Variants in CNTLN observed in about 807,000 individuals in gnomAD.
CNTLN encodes centlein, centrosomal protein.
Under a neutral mutation model 180.0 loss-of-function variants are expected in CNTLN, and 212 were observed. The ratio of observed to expected loss-of-function variants is 1.18; its 90% CI spans 1.05 to 1.32. The LOEUF is 1.32. Among genes scored for constraint, CNTLN ranks in the 40% most tolerant of loss-of-function variants. The pLI is 0.00. For synonymous variants in CNTLN, 722 were observed against 563.1 expected (o/e 1.28, Z -3.99); for missense variants, 2,095 against 1,610.9 (o/e 1.30, Z -5.14).
chr9:17,350,055 T>G (rs559614750), intron 12 of CNTLN, among the ~76,000 whole-genome samples: 1 of 152,312 alleles, frequency 6.6e-6, no homozygotes, highest in East Asian at 1.9e-4. Context: ...AATGCTAAAT[T>G]AGATGAAGTA....
intron 12 of CNTLN, among the ~76,000 whole-genome samples, chr9:17,354,846 C>T (rs549922556): frequency 6.6e-6 from 1 of 152,118 alleles, no homozygotes; most frequent in Non-Finnish European, 1.5e-5. Context: ...CTATTGCTCA[C>T]TCTTTGGGTC....
chr9:17,497,297 C>A (rs761116530), intron 25 of CNTLN, among the ~76,000 whole-genome samples: 10 of 152,022 alleles, frequency 6.6e-5, no homozygotes, highest in Non-Finnish European at 1.0e-4. Flanking sequence ...GTTTTGGGGA[C>A]GAGAATTATA....
At chr9:17,345,206 A>C (rs558566008) in intron 12 of CNTLN, among the ~76,000 whole-genome samples, 1 of 152,118 alleles carries the variant, frequency 6.6e-6, no homozygotes, top group African/African-American at 2.4e-5. Flanking sequence ...TTTATTTTTT[A>C]AGGGAAATGC....
At chr9:17,424,506 A>G (rs1258037039) in intron 18 of CNTLN, among the ~76,000 whole-genome samples, 1 of 152,204 alleles carries the variant, frequency 6.6e-6, no homozygotes, top group Admixed American at 6.5e-5. Flanking sequence ...ACAAACTACC[A>G]GAATCATATT....
At chr9:17,364,415 T>C (rs1406543785) in intron 12 of CNTLN, among the ~76,000 whole-genome samples, 1 of 152,128 alleles carries the variant, frequency 6.6e-6, no homozygotes, top group Non-Finnish European at 1.5e-5. Flanking sequence ...TATTATGTTA[T>C]TATTATTAAT....
At chr9:17,510,877 C>G in the CNTLN span, among the ~76,000 whole-genome samples, 1 of 152,154 alleles carries the variant, frequency 6.6e-6, no homozygotes, top group Admixed American at 6.5e-5. Flanking sequence ...TTTCACTTCT[C>G]TAGAGGAATT....
At position 17,226,344 on chromosome 9, in the gene CNTLN, T is replaced by C. The variant is rs1049558435; in HGVS notation, c.534+57T>C. On this transcript the variant is annotated intron_variant, in intron 3 of 25. Transcript: ENST00000380647. The stretch of plus-strand genomic sequence containing the variant: ...CTATATTTGTTTTGGGTAGTAGATC[T>C]TCAAAATTATTTTTATTTTTTTGCA... 6 of 919,076 alleles carry C rather than the reference T, an allele frequency of 6.5e-6. No individual in the cohort carries two copies. In the African/African-American group the frequency reaches 7.0e-5, roughly 11 times the overall value. The allele number at this position is 919,076 out of a possible 1,614,324, so 56.9% of individuals were successfully genotyped here.
At chr9:17,211,646 A>G (rs1294585146) in intron 2 of CNTLN, among the ~76,000 whole-genome samples, 1 of 152,184 alleles carries the variant, frequency 6.6e-6, no homozygotes, top group Non-Finnish European at 1.5e-5. Context: ...TACCTTGGGC[A>G]GTATGGCCAT....
chr9:17,204,231 A>G (rs1043280359), intron 2 of CNTLN, among the ~76,000 whole-genome samples: 1 of 152,204 alleles, frequency 6.6e-6, no homozygotes. Flanking sequence ...CATTTGGAGA[A>G]GAGGCATTTT....
chr9:17,269,971 A>T (rs1337414673), intron 5 of CNTLN, among the ~76,000 whole-genome samples: 2 of 152,154 alleles, frequency 1.3e-5, no homozygotes, highest in South Asian at 2.1e-4. Context: ...TTAGTTTTAT[A>T]GAAAATCATC....
At chr9:17,474,698 G>T (rs113816869) in intron 23 of CNTLN, among the ~76,000 whole-genome samples, 1 of 151,870 alleles carries the variant, frequency 6.6e-6, no homozygotes, top group Non-Finnish European at 1.5e-5. Context: ...GTGAAACCCC[G>T]TCTCTACTAA....
chr9:17,343,718 T>A (rs1821660855), intron 12 of CNTLN, among the ~76,000 whole-genome samples: 1 of 152,136 alleles, frequency 6.6e-6, no homozygotes, highest in African/African-American at 2.4e-5. Context: ...ACGTATATAA[T>A]TCACTGGTAT....
At chr9:17,243,684 T>G (rs1383971837) in intron 5 of CNTLN, among the ~76,000 whole-genome samples, 1 of 152,228 alleles carries the variant, frequency 6.6e-6, no homozygotes, top group African/African-American at 2.4e-5. Flanking sequence ...ATGCTTGATA[T>G]AATTTTAGTT....
intron 18 of CNTLN, among the ~76,000 whole-genome samples, chr9:17,429,250 T>C (rs1423609441): frequency 1.3e-5 from 2 of 152,078 alleles, no homozygotes; most frequent in Non-Finnish European, 2.9e-5. Flanking sequence ...TGCTAATATA[T>C]AAGACTTCTT....
intron 12 of CNTLN, among the ~76,000 whole-genome samples, chr9:17,345,536 T>G (rs10963051): frequency 0.05 from 7,029 of 141,900 alleles, 210 homozygotes; most frequent in South Asian, 0.15. Context: ...TTTTGAGTAG[T>G]TTTTTTTTTT....
At chr9:17,507,126 C>G (rs935337294), downstream of CNTLN, among the ~76,000 whole-genome samples, 25 of 152,194 alleles carry the variant, frequency 1.6e-4, no homozygotes, top group African/African-American at 5.8e-4. Flanking sequence ...CATAGTTTTT[C>G]AACCCTCTCT....
At chr9:17,266,767 GA>G (rs1459086647) in intron 5 of CNTLN, among the ~76,000 whole-genome samples, 1 of 152,120 alleles carries the variant, frequency 6.6e-6, no homozygotes, top group East Asian at 1.9e-4. Flanking sequence ...TCTTGTTGTT[GA>G]ATTGATCCCT....
At chr9:17,520,316 A>G in the CNTLN span, among the ~76,000 whole-genome samples, 1 of 152,334 alleles carries the variant, frequency 6.6e-6, no homozygotes, top group Non-Finnish European at 1.5e-5. Context: ...TAATAAAGGA[A>G]TTAGGGTTAT....
chr9:17,477,705 A>G (rs189993762), intron 23 of CNTLN, among the ~76,000 whole-genome samples: 61 of 152,374 alleles, frequency 4.0e-4, no homozygotes, highest in African/African-American at 1.5e-3. Flanking sequence ...TGAATGGATG[A>G]GGAGTTGCCT....
Sources: allele counts gnomAD v4.1 joint callset (sites outside exome capture counted in the v4.1 genomes callset), GRCh38; gene constraint gnomAD v4.1.1; transcripts MANE v1.5; gene names NCBI Gene and HGNC (gene_info 2026-07-23, HGNC 2026-07-21).